Variants in RPS6KA5 observed in about 807,000 individuals in gnomAD.
RPS6KA5 encodes ribosomal protein S6 kinase alpha-5.
RPS6KA5 carries 27 observed loss-of-function variants against 85.5 expected under a neutral mutation model. The observed-to-expected ratio is 0.32, with a 90% CI of 0.23 to 0.44. The LOEUF is 0.44. Among genes scored for constraint, RPS6KA5 ranks in the 20% least tolerant of loss-of-function variants. The pLI, the probability that RPS6KA5 is intolerant of heterozygous loss-of-function variation, is 1.00. For synonymous variants in RPS6KA5, 334 were observed against 348.2 expected (o/e 0.96, Z 0.46); for missense variants, 811 against 980.9 (o/e 0.83, Z 2.31).
intron 1 of RPS6KA5, among the ~76,000 whole-genome samples, chr14:91,037,286 T>C (rs2042443778): frequency 6.6e-6 from 1 of 152,202 alleles, no homozygotes; most frequent in African/African-American, 2.4e-5. Flanking sequence ...TTGGCTGTCA[T>C]CTTTCTTGCC....
At chr14:90,984,916 T>C (rs1357984550) in intron 2 of RPS6KA5, among the ~76,000 whole-genome samples, 2 of 152,202 alleles carry the variant, frequency 1.3e-5, no homozygotes, top group Non-Finnish European at 2.9e-5. Flanking sequence ...TTTGAATTTA[T>C]TAAACATGTT....
At chr14:90,944,572 A>G (rs2037767126) in intron 4 of RPS6KA5, among the ~76,000 whole-genome samples, 1 of 152,182 alleles carries the variant, frequency 6.6e-6, no homozygotes, top group African/African-American at 2.4e-5. Context: ...CCTGACCAAC[A>G]TGGAGAAACC....
chr14:90,951,118 C>CA (rs57389099), intron 3 of RPS6KA5, among the ~76,000 whole-genome samples: 55,372 of 84,416 alleles, frequency 0.66, 18,020 homozygotes, highest in East Asian at 0.84. Flanking sequence ...GACTCAGTCT[C>CA]AAAAAAAAAA....
intron 14 of RPS6KA5, among the ~76,000 whole-genome samples, chr14:90,878,993 G>A (rs73324618): frequency 1.1e-3 from 162 of 152,314 alleles, no homozygotes; most frequent in African/African-American, 3.8e-3. Flanking sequence ...CACAACAGGA[G>A]AGTCTCAGAG....
rs1174234057 is a variant in RPS6KA5, at chr14:90,850,768, T to A, written c.*21306A>T. The A allele has an allele frequency of 6.6e-6, 1 of 152,240 alleles. No individual in the cohort carries two copies. The highest frequency in any genetic ancestry group is 1.5e-5 in the Non-Finnish European group (1 of 68,042). 9.4% of individuals were successfully genotyped at this position (152,240 alleles called of 1,614,324 possible). ...GCTCCTAAACTCTAAGATTCTCGTATGTGCTGAAAACACTGCTATGACGAC... is the reference window on the plus strand; with the variant it reads ...GCTCCTAAACTCTAAGATTCTCGTAAGTGCTGAAAACACTGCTATGACGAC... On this transcript the variant is annotated 3_prime_UTR_variant, in exon 17 of 17. Transcript: ENST00000614987.
At chr14:90,964,515 T>C (rs979987849) in intron 3 of RPS6KA5, among the ~76,000 whole-genome samples, 2 of 152,192 alleles carry the variant, frequency 1.3e-5, no homozygotes, top group Non-Finnish European at 2.9e-5. Flanking sequence ...ACAACCTTAG[T>C]TTGTACTGAC....
At chr14:90,948,289 A>T (rs775716431) in intron 3 of RPS6KA5, among the ~76,000 whole-genome samples, 10 of 152,248 alleles carry the variant, frequency 6.6e-5, no homozygotes, top group Admixed American at 2.6e-4. Flanking sequence ...CTTATTTATC[A>T]TTCATTATTT....
intron 14 of RPS6KA5, among the ~76,000 whole-genome samples, chr14:90,882,855 T>C (rs1413209367): frequency 2.0e-5 from 3 of 152,072 alleles, no homozygotes. Context: ...TCACCCACTC[T>C]GTCATGATCT....
chr14:91,057,026 C>T (rs963140081), intron 1 of RPS6KA5, among the ~76,000 whole-genome samples: 16 of 151,234 alleles, frequency 1.1e-4, no homozygotes, highest in Non-Finnish European at 1.9e-4. Flanking sequence ...ACTACAGGTA[C>T]GTGCCACCAT....
intron 12 of RPS6KA5, among the ~76,000 whole-genome samples, chr14:90,895,413 T>C (rs1257991872): frequency 6.6e-6 from 1 of 152,218 alleles, no homozygotes; most frequent in African/African-American, 2.4e-5. Flanking sequence ...CTGTTAGGAC[T>C]CAACAGATTA....
chr14:90,961,542 A>G (rs901397094), intron 3 of RPS6KA5, among the ~76,000 whole-genome samples: 3 of 152,206 alleles, frequency 2.0e-5, no homozygotes, highest in Non-Finnish European at 4.4e-5. Flanking sequence ...TAAATGACTT[A>G]GAACCAATAA....
intron 14 of RPS6KA5, among the ~76,000 whole-genome samples, chr14:90,888,381 T>C (rs1246554829): frequency 6.6e-6 from 1 of 152,222 alleles, no homozygotes; most frequent in African/African-American, 2.4e-5. Flanking sequence ...AAAATGAAAG[T>C]CTCTTTTTTA....
In RPS6KA5 at chr14:90,943,089, C is replaced by A. The variant is rs772251191; in HGVS notation, c.607G>T (p.Val203Leu). Residue 203 changes from valine to leucine, a missense_variant, in exon 5 of 17, where the codon GTG becomes TTG. Val to Leu is a conservative substitution (Grantham distance 32, BLOSUM62 1). Transcript: ENST00000614987. ...LTDFGLSKEF[V>L]ADETERAYSF... The stretch of plus-strand genomic sequence containing the variant: ...TAAAATATACTCACTTCATCAGCCA[C>A]AAACTCCTTACTCAGACCAAAATCT... The A allele has an allele frequency of 4.0e-5, 64 of 1,592,776 alleles. No homozygotes were observed. In the South Asian group the frequency reaches 7.0e-4, roughly 17 times the overall value.
At chr14:90,933,296 A>C (rs2037087327) in intron 5 of RPS6KA5, among the ~76,000 whole-genome samples, 1 of 152,170 alleles carries the variant, frequency 6.6e-6, no homozygotes, top group African/African-American at 2.4e-5. Context: ...CTGTGTGTCT[A>C]ATAAATGTCT....
intron 3 of RPS6KA5, among the ~76,000 whole-genome samples, chr14:90,966,542 A>T (rs2039071778): frequency 6.6e-6 from 1 of 152,236 alleles, no homozygotes; most frequent in African/African-American, 2.4e-5. Flanking sequence ...ATTAAGCTTT[A>T]GAGAGTACAG....
rs545990636 is a variant in RPS6KA5, at chr14:90,902,323, A to C, written c.1119+485T>G. On this transcript the variant is annotated intron_variant, in intron 9 of 16. Transcript: ENST00000614987. Reference sequence around the variant, plus strand: ...AACATAGCAAGATCCTATCTCTGCAAAAAATAGAAAAATTAGCTGGGTGTG... The same window carrying C: ...AACATAGCAAGATCCTATCTCTGCACAAAATAGAAAAATTAGCTGGGTGTG... Among the ~76,000 whole-genome samples, 13 of 152,242 alleles carry C rather than the reference A, an allele frequency of 8.5e-5. No individual in the cohort carries two copies. The East Asian group carries it at 2.5e-3, about 29-fold the overall frequency.
At chr14:91,035,953 T>C (rs1370029417) in intron 1 of RPS6KA5, among the ~76,000 whole-genome samples, 1 of 27,198 alleles carries the variant, frequency 3.7e-5, no homozygotes. Flanking sequence ...GCACTTAGGG[T>C]ATGAAAAAAA....
chr14:90,963,503 A>T (rs543362089), intron 3 of RPS6KA5, among the ~76,000 whole-genome samples: 7 of 152,292 alleles, frequency 4.6e-5, no homozygotes, highest in African/African-American at 1.7e-4. Flanking sequence ...CAACTCCATC[A>T]TTCCTCTATG....
At position 90,855,827 on chromosome 14, in the gene RPS6KA5, T is replaced by G. The variant is rs1046105148; in HGVS notation, c.*16247A>C. ...TTTCACCGTGTTAGCCAGGATGGTC[T>G]CGATCTCCTGACCTCGTGATCCGCC... On this transcript the variant is annotated 3_prime_UTR_variant, in exon 17 of 17. Coordinates refer to ENST00000614987, the MANE Select transcript of RPS6KA5 (RefSeq NM_004755.4). 6.6e-6 allele frequency: 1 copy of G among 152,148 alleles called. No individual in the cohort carries two copies. The highest frequency in any genetic ancestry group is 1.5e-5 in the Non-Finnish European group (1 of 68,094). The allele number at this position is 152,148 out of a possible 1,614,324, so 9.4% of individuals were successfully genotyped here. A position where few individuals can be genotyped will look rare whatever the true frequency, so the allele number is the denominator to read the frequency against.
Sources: allele counts gnomAD v4.1 joint callset (sites outside exome capture counted in the v4.1 genomes callset), GRCh38; gene constraint gnomAD v4.1.1; transcripts MANE v1.5; gene names NCBI Gene and HGNC (gene_info 2026-07-23, HGNC 2026-07-21).